FBXL13: variants seen among roughly 807,000 people sequenced by gnomAD.
FBXL13 encodes F-box and leucine rich repeat protein 13.
In FBXL13, 67 loss-of-function variants were observed where a neutral mutation model predicts 83.6. The ratio of observed to expected loss-of-function variants is 0.80; its 90% CI spans 0.66 to 0.98. The LOEUF (loss-of-function observed/expected upper bound fraction) is 0.98, where lower values mean the gene tolerates loss of function less well. Among genes scored for constraint, FBXL13 ranks in the 50% least tolerant of loss-of-function variants. The probability of loss-of-function intolerance (pLI) is 0.00; values close to 1 mark genes in which losing one functional copy is unlikely to be tolerated. For missense variants in FBXL13, 822 were observed against 866.5 expected (o/e 0.95, Z 0.64); for synonymous variants, 272 against 299.5 (o/e 0.91, Z 0.95).
chr7:102,864,522 C>T (rs1186008450), intron 16 of FBXL13, among the ~76,000 whole-genome samples: 1 of 152,172 alleles, frequency 6.6e-6, no homozygotes, highest in African/African-American at 2.4e-5. Flanking sequence ...GCGCCCGCCA[C>T]CATGCCCAGC....
intron 17 of FBXL13, among the ~76,000 whole-genome samples, chr7:102,835,904 C>T (rs188765744): frequency 1.3e-5 from 2 of 152,254 alleles, no homozygotes; most frequent in East Asian, 1.9e-4. Flanking sequence ...CCACCGCGCC[C>T]GGCCCCGACA....
At chr7:102,821,482 CT>C (rs1156715435) in intron 19 of FBXL13, among the ~76,000 whole-genome samples, 1 of 152,230 alleles carries the variant, frequency 6.6e-6, no homozygotes, top group Non-Finnish European at 1.5e-5. Flanking sequence ...GAAAGTTCCT[CT>C]GTGAAATCTA....
intron 1 of FBXL13, among the ~76,000 whole-genome samples, chr7:103,066,088 C>T (rs1163533553): frequency 2.6e-5 from 4 of 152,224 alleles, no homozygotes; most frequent in Non-Finnish European, 5.9e-5. Flanking sequence ...GATCATGACA[C>T]CAGTCCAGCT....
chr7:103,018,501 A>G (rs1161694384), intron 6 of FBXL13, among the ~76,000 whole-genome samples: 1 of 152,240 alleles, frequency 6.6e-6, no homozygotes, highest in Non-Finnish European at 1.5e-5. Flanking sequence ...AATGGGCTAA[A>G]TGCTCCAATT....
chr7:103,033,094 C>A (rs754900759), intron 2 of FBXL13, among the ~76,000 whole-genome samples: 2 of 152,222 alleles, frequency 1.3e-5, no homozygotes, highest in Non-Finnish European at 2.9e-5. Context: ...CACACTCACA[C>A]ACACAGAGTT....
chr7:102,957,972 G>A (rs907236754), intron 8 of FBXL13, among the ~76,000 whole-genome samples: 14 of 152,116 alleles, frequency 9.2e-5, no homozygotes, highest in South Asian at 2.1e-4. Flanking sequence ...GTGGAAGACA[G>A]TGTGGTGATT....
intron 10 of FBXL13, 150 bp from the exon 12 acceptor site, chr7:102,913,365 T>A: frequency 1.2e-6 from 1 of 869,264 alleles, no homozygotes; most frequent in Non-Finnish European, 1.7e-6. Flanking sequence ...CTCTACCTGT[T>A]AATTAAAGGA....
At chr7:102,976,104 G>A (rs899506998) in intron 6 of FBXL13, 1 of 766,408 alleles carries the variant, frequency 1.3e-6, no homozygotes, top group Non-Finnish European at 2.4e-6. Flanking sequence ...ATCCCTTCCT[G>A]AGCCAATCAA....
At chr7:102,902,426 T>G (rs1813081431) in intron 11 of FBXL13, among the ~76,000 whole-genome samples, 1 of 152,194 alleles carries the variant, frequency 6.6e-6, no homozygotes, top group African/African-American at 2.4e-5. Context: ...GTGCAGAAGC[T>G]TTTCGACTTC....
At chr7:102,882,873 C>A (rs546217999) in intron 14 of FBXL13, among the ~76,000 whole-genome samples, 49 of 152,174 alleles carry the variant, frequency 3.2e-4, no homozygotes, top group African/African-American at 1.2e-3. Flanking sequence ...TCAGTAAGAA[C>A]CCACCCTCTG....
chr7:102,938,746 G>C (rs6968713), intron 8 of FBXL13, among the ~76,000 whole-genome samples: 118,507 of 152,180 alleles, frequency 0.78, 46,491 homozygotes, highest in Middle Eastern at 0.84. Context: ...AATTCTCATT[G>C]AAGTTCTAAG....
upstream of FBXL13, chr7:103,074,763 G>A (rs1266033669): frequency 7.0e-6 from 9 of 1,289,612 alleles, no homozygotes; most frequent in African/African-American, 1.5e-5. Context: ...ATTGCGTAGC[G>A]AGGCCATGGC....
intron 6 of FBXL13, among the ~76,000 whole-genome samples, chr7:102,994,534 C>T (rs1222115456): frequency 3.3e-5 from 5 of 152,074 alleles, no homozygotes; most frequent in Non-Finnish European, 5.9e-5. Flanking sequence ...AAAAAGTTAT[C>T]TGAAAAGGAA....
At chr7:103,040,846 G>A (rs867711526) in intron 2 of FBXL13, among the ~76,000 whole-genome samples, 1 of 152,082 alleles carries the variant, frequency 6.6e-6, no homozygotes, top group African/African-American at 2.4e-5. Flanking sequence ...GAGGGAAATT[G>A]ATAGCACTAA....
chr7:102,823,130 T>C (rs1182090885), intron 18 of FBXL13, among the ~76,000 whole-genome samples: 1 of 152,148 alleles, frequency 6.6e-6, no homozygotes, highest in African/African-American at 2.4e-5. Context: ...AAGAGTCCTC[T>C]GGTTTGGATG....
intron 2 of FBXL13, among the ~76,000 whole-genome samples, chr7:103,051,465 G>A (rs1006062008): frequency 3.9e-5 from 6 of 152,190 alleles, no homozygotes; most frequent in South Asian, 2.1e-4. Context: ...TCTGAAATCC[G>A]AGAGAGAGCT....
At chr7:103,035,334 G>C (rs1794967522) in intron 2 of FBXL13, among the ~76,000 whole-genome samples, 2 of 152,198 alleles carry the variant, frequency 1.3e-5, no homozygotes, top group African/African-American at 4.8e-5. Flanking sequence ...CAAATGGGTA[G>C]AACTTGAAGA....
At chr7:102,989,568 C>G (rs917688385) in intron 6 of FBXL13, among the ~76,000 whole-genome samples, 1 of 152,178 alleles carries the variant, frequency 6.6e-6, no homozygotes, top group Non-Finnish European at 1.5e-5. Context: ...CCTGCCTTGA[C>G]CTGAATGCAA....
intron 6 of FBXL13, among the ~76,000 whole-genome samples, chr7:103,013,885 T>C (rs1050742456): frequency 6.6e-6 from 1 of 151,258 alleles, no homozygotes; most frequent in African/African-American, 2.4e-5. Flanking sequence ...CAAGGTAGAC[T>C]GGTAGATAAA....
Sources: allele counts gnomAD v4.1 joint callset (sites outside exome capture counted in the v4.1 genomes callset), GRCh38; gene constraint gnomAD v4.1.1; transcripts MANE v1.5; gene names NCBI Gene and HGNC (gene_info 2026-07-23, HGNC 2026-07-21).